Variants in TBC1D12 observed in about 807,000 individuals in gnomAD.
TBC1D12 encodes the protein TBC1 domain family, member 12.
Under a neutral mutation model 86.7 loss-of-function variants are expected in TBC1D12, and 56 were observed. That is an observed-to-expected ratio of 0.65 (90% CI 0.52 to 0.81). TBC1D12 has a LOEUF of 0.81. Among genes scored for constraint, TBC1D12 ranks in the 30% least tolerant of loss-of-function variants. The pLI is 0.00. For missense variants in TBC1D12, 1,023 were observed against 1,038.8 expected, an observed-to-expected ratio of 0.98 and a Z score of 0.21; for synonymous variants, 421 against 411.7, an observed-to-expected ratio of 1.02 and a Z score of -0.27.
chr10:94,490,803 T>A (rs2056235308), intron 3 of TBC1D12, among the ~76,000 whole-genome samples: 1 of 152,190 alleles, frequency 6.6e-6, no homozygotes, highest in Non-Finnish European at 1.5e-5. Context: ...CTAGTACTCT[T>A]ATCTATCAGG....
At chr10:94,421,620 T>C (rs371523518) in intron 1 of TBC1D12, among the ~76,000 whole-genome samples, 1 of 152,326 alleles carries the variant, frequency 6.6e-6, no homozygotes, top group African/African-American at 2.4e-5. Flanking sequence ...CAAACTGTTT[T>C]CTAAAAGCTG....
At chr10:94,497,933 C>A (rs570947264) in intron 5 of TBC1D12, among the ~76,000 whole-genome samples, 1 of 149,616 alleles carries the variant, frequency 6.7e-6, no homozygotes, top group African/African-American at 2.5e-5. Context: ...TGCCATTCTC[C>A]CACCTCAGCC....
intron 4 of TBC1D12, among the ~76,000 whole-genome samples, chr10:94,496,562 T>C (rs2056323984): frequency 6.6e-6 from 1 of 152,224 alleles, no homozygotes; most frequent in Admixed American, 6.5e-5. Flanking sequence ...AGTTGTTTGT[T>C]TTTTATATAG....
intron 9 of TBC1D12, among the ~76,000 whole-genome samples, chr10:94,521,298 A>AACATCTAT (rs1290343483): frequency 6.6e-6 from 1 of 152,116 alleles, no homozygotes; most frequent in African/African-American, 2.4e-5. Flanking sequence ...GCAAGAAGCA[A>AACATCTAT]ACATCTATAC....
rs200792738 is a variant in TBC1D12 at position 94,403,009 on chromosome 10, C to T, written c.396C>T (p.Gly132=). The T allele has an allele frequency of 6.5e-4, 1,031 of 1,575,518 alleles. No homozygotes were observed. The highest frequency in any genetic ancestry group is 8.4e-4 in the Non-Finnish European group (978 of 1,165,020). ...VADGRAPRHE[G]MTNGDSGFLP... ...ATGGCCGCGCGCCGCGGCACGAAGG[C>T]ATGACCAACGGCGACTCGGGTTTTC... The change falls in exon 1 of 13, where the codon GGC becomes GGT. Residue 132 remains glycine, a synonymous_variant. Transcript: ENST00000225235.
chr10:94,409,792 T>C (rs557698249), intron 1 of TBC1D12, among the ~76,000 whole-genome samples: 13 of 152,346 alleles, frequency 8.5e-5, no homozygotes, highest in Non-Finnish European at 1.8e-4. Flanking sequence ...TAGAGATTAA[T>C]TTTTAATTTT....
intron 2 of TBC1D12, among the ~76,000 whole-genome samples, chr10:94,452,058 A>G (rs2055558914): frequency 6.6e-6 from 1 of 150,696 alleles, no homozygotes; most frequent in South Asian, 2.1e-4. Flanking sequence ...ATATTTAAAT[A>G]TATGTATTTA....
intron 5 of TBC1D12, among the ~76,000 whole-genome samples, chr10:94,499,694 A>G (rs973149685): frequency 1.3e-5 from 2 of 152,246 alleles, no homozygotes; most frequent in Middle Eastern, 3.4e-3. Context: ...AGGTGTATGT[A>G]TTTTTACTCC....
rs1233515623 is a variant in TBC1D12, at chr10:94,535,479, AG to A, written c.*2386del. On this transcript the variant is annotated 3_prime_UTR_variant, in exon 13 of 13. Transcript: ENST00000225235. Reference sequence around the variant, plus strand: ...TGCCTCTTTAGGAGTATGGGGCCCTAGGGTGTCCATATATTTTTACCCCATG... The same window carrying A: ...TGCCTCTTTAGGAGTATGGGGCCCTAGGTGTCCATATATTTTTACCCCATG... 6.6e-6 allele frequency: 1 copy of A among 152,098 alleles called. No homozygotes were observed. 9.4% of individuals were successfully genotyped at this position (152,098 alleles called of 1,614,324 possible).
intron 2 of TBC1D12, among the ~76,000 whole-genome samples, chr10:94,443,790 G>T (rs927326273): frequency 3.3e-5 from 5 of 152,162 alleles, no homozygotes; most frequent in African/African-American, 4.8e-5. Context: ...GGAAATGAGG[G>T]TTATGTCTAA....
intron 1 of TBC1D12, among the ~76,000 whole-genome samples, chr10:94,423,926 A>G (rs2055113299): frequency 1.3e-5 from 2 of 152,228 alleles, no homozygotes; most frequent in Non-Finnish European, 2.9e-5. Context: ...TATGGATTCA[A>G]CCAACCTAGG....
At chr10:94,503,043 A>G (rs1262299203) in intron 6 of TBC1D12, among the ~76,000 whole-genome samples, 1 of 152,174 alleles carries the variant, frequency 6.6e-6, no homozygotes, top group African/African-American at 2.4e-5. Context: ...AATTTATGCC[A>G]TAAGGTTATT....
At chr10:94,432,858 TATTTG>T (rs1268615664) in intron 1 of TBC1D12, among the ~76,000 whole-genome samples, 1 of 152,002 alleles carries the variant, frequency 6.6e-6, no homozygotes, top group Non-Finnish European at 1.5e-5. Flanking sequence ...GACTTACTGT[TATTTG>T]ATTTAAGAAG....
intron 2 of TBC1D12, among the ~76,000 whole-genome samples, chr10:94,447,378 G>GT (rs1165372340): frequency 2.0e-5 from 3 of 151,862 alleles, no homozygotes; most frequent in African/African-American, 7.3e-5. Context: ...TTTTGTACCT[G>GT]TATCTTTTCA....
rs78216815 is a variant in TBC1D12 at position 94,526,157 on chromosome 10, T to C, written c.2000+3704T>C. ...TACTTTTATGAGATCAGCTGGCCAG[T>C]GCGATGGCTCATGCTCATAATCCTA... On this transcript the variant is annotated intron_variant, in intron 11 of 12. Coordinates refer to ENST00000225235, the MANE Select transcript of TBC1D12 (RefSeq NM_015188.2). Among the ~76,000 whole-genome samples, 415 of 152,244 alleles carry C rather than the reference T, an allele frequency of 2.7e-3. 9 individuals are homozygous for C. The East Asian group carries it at 0.06, about 22-fold the overall frequency.
intron 2 of TBC1D12, among the ~76,000 whole-genome samples, chr10:94,464,126 G>C (rs1411340871): frequency 1.3e-5 from 2 of 151,826 alleles, no homozygotes; most frequent in Admixed American, 6.6e-5. Context: ...TTTTATTCTT[G>C]TATCTACCTT....
In TBC1D12 at chr10:94,403,090, C is replaced by T; in HGVS notation, c.477C>T (p.Gly159=). ...LEEARGLARA[G]GRESRRRRPY... is the part of the protein sequence containing the mutation. ...AGGCTCGCGGGCTGGCGCGCGCCGGCGGCCGGGAGTCGCGCCGCCGCCGCC... is the reference window on the plus strand; with the variant it reads ...AGGCTCGCGGGCTGGCGCGCGCCGGTGGCCGGGAGTCGCGCCGCCGCCGCC... The change falls in exon 1 of 13, where the codon GGC becomes GGT. Residue 159 remains glycine (G), a synonymous_variant. Transcript: ENST00000225235. 2 of 1,422,844 alleles carry T rather than the reference C, an allele frequency of 1.4e-6. No individual in the cohort carries two copies. The highest frequency in any genetic ancestry group is 1.8e-6 in the Non-Finnish European group (2 of 1,092,120). 88.1% of individuals were successfully genotyped at this position (1,422,844 alleles called of 1,614,324 possible).
chr10:94,423,247 C>T (rs1296561322), intron 1 of TBC1D12, among the ~76,000 whole-genome samples: 4 of 151,984 alleles, frequency 2.6e-5, no homozygotes, highest in African/African-American at 9.7e-5. Context: ...CAGCTCTTTT[C>T]TGCCTCCTGA....
chr10:94,444,558 G>C (rs1397196050), intron 2 of TBC1D12, among the ~76,000 whole-genome samples: 2 of 151,928 alleles, frequency 1.3e-5, no homozygotes, highest in Non-Finnish European at 2.9e-5. Context: ...GATTTTTATG[G>C]TAGTTTAAAT....
Sources: allele counts gnomAD v4.1 joint callset (sites outside exome capture counted in the v4.1 genomes callset), GRCh38; gene constraint gnomAD v4.1.1; transcripts MANE v1.5; gene names NCBI Gene and HGNC (gene_info 2026-07-23, HGNC 2026-07-21).